The following ESYT2 variants were observed in gnomAD, a reference collection of about 807,000 sequenced individuals.
ESYT2 encodes extended synaptotagmin-2.
In ESYT2, 54 loss-of-function variants were observed where a neutral mutation model predicts 107.2. The observed-to-expected ratio is 0.50, with a 90% CI of 0.40 to 0.63. The LOEUF (loss-of-function observed/expected upper bound fraction) is 0.63, where lower values mean the gene tolerates loss of function less well. Among genes scored for constraint, ESYT2 ranks in the 30% least tolerant of loss-of-function variants. The pLI, the probability that ESYT2 is intolerant of heterozygous loss-of-function variation, is 0.00. For missense variants in ESYT2, 1,020 were observed against 1,094.5 expected, an observed-to-expected ratio of 0.93 and a Z score of 0.96; for synonymous variants, 491 against 434.1, an observed-to-expected ratio of 1.13 and a Z score of -1.63.
intron 7 of ESYT2, among the ~76,000 whole-genome samples, chr7:158,770,234 T>C (rs753049986): frequency 3.9e-5 from 6 of 152,098 alleles, no homozygotes; most frequent in Non-Finnish European, 8.8e-5. Context: ...AGGGTTGCCA[T>C]AGCTGTAATT....
intron 21 of ESYT2, among the ~76,000 whole-genome samples, chr7:158,734,898 T>G (rs138733643): frequency 6.6e-6 from 1 of 152,368 alleles, no homozygotes; most frequent in Non-Finnish European, 1.5e-5. Context: ...GACTCTCCCT[T>G]TTCTGAAGGC....
rs541844735 is a variant in ESYT2, at chr7:158,776,407, C to G, written c.748-3011G>C. Among the ~76,000 whole-genome samples the G allele has an allele frequency of 7.4e-4, 112 of 152,344 alleles. 1 individual carries two copies. In the South Asian group the frequency reaches 7.9e-3, roughly 11 times the overall value. ...AGGATGTTTAATATACACTGAAAAT[C>G]TGTTGTTTAGTGGAGCCACCTTTAT... is the stretch of plus-strand genomic sequence containing the variant. On this transcript the variant is annotated intron_variant, in intron 6 of 22. Transcript: ENST00000275418.
chr7:158,797,477 C>A (rs1297590174), intron 3 of ESYT2, among the ~76,000 whole-genome samples: 2 of 151,616 alleles, frequency 1.3e-5, no homozygotes, highest in African/African-American at 4.9e-5. Flanking sequence ...GAGGCTGAGG[C>A]AGGAAGATCA....
chr7:158,780,727 G>A (rs1368888446), intron 6 of ESYT2, among the ~76,000 whole-genome samples: 2 of 152,224 alleles, frequency 1.3e-5, no homozygotes, highest in African/African-American at 4.8e-5. Context: ...GGCAGGAGCA[G>A]GAATTGCGGA....
chr7:158,773,865 T>A (rs910314588), intron 6 of ESYT2, among the ~76,000 whole-genome samples: 8 of 152,224 alleles, frequency 5.3e-5, no homozygotes, highest in Non-Finnish European at 1.0e-4. Flanking sequence ...CCAACCAAAG[T>A]GTATGAAAAT....
chr7:158,826,894 G>A (rs1440266358), intron 1 of ESYT2, among the ~76,000 whole-genome samples: 1 of 151,860 alleles, frequency 6.6e-6, no homozygotes, highest in African/African-American at 2.4e-5. Context: ...GCCGGGCGCG[G>A]TGGCTCACGC....
intron 6 of ESYT2, among the ~76,000 whole-genome samples, chr7:158,781,017 C>T (rs556589463): frequency 1.3e-5 from 2 of 151,954 alleles, no homozygotes; most frequent in South Asian, 2.1e-4. Flanking sequence ...TGAGAATGAG[C>T]GTGAGAAAGA....
chr7:158,742,750 G>A (rs1303963735), intron 17 of ESYT2, among the ~76,000 whole-genome samples: 1 of 152,186 alleles, frequency 6.6e-6, no homozygotes, highest in Non-Finnish European at 1.5e-5. Context: ...CTGGTTTTAG[G>A]AAATAACGCT....
rs377160540 is a variant in ESYT2, at chr7:158,761,559, A to G, written c.1185-15T>C. On this transcript the variant is annotated splice_polypyrimidine_tract_variant and intron_variant, in intron 10 of 22. Coordinates refer to ENST00000275418, the MANE Select transcript of ESYT2 (RefSeq NM_001367773.1). ...CAATCATAAGACTATAAAAATAACA[A>G]TACGACAACTTTAGAACATAGAAAC... is the stretch of plus-strand genomic sequence containing the variant. 8 of 1,609,850 alleles carry G rather than the reference A, an allele frequency of 5.0e-6. No individual in the cohort carries two copies. Among genetic ancestry groups the G allele is most frequent in the Non-Finnish European group, 6.8e-6 (8 of 1,176,648 alleles).
chr7:158,739,793 C>CA (rs1414444384), intron 18 of ESYT2, among the ~76,000 whole-genome samples: 3 of 128,850 alleles, frequency 2.3e-5, no homozygotes, highest in Non-Finnish European at 4.6e-5. Context: ...GTTATTTATA[C>CA]CCCCCCCTTC....
intron 1 of ESYT2, among the ~76,000 whole-genome samples, chr7:158,814,344 TATGA>T (rs1840089031): frequency 3.7e-4 from 1 of 2,726 alleles, no homozygotes; most frequent in South Asian, 7.9e-3. Context: ...TATATATATA[TATGA>T]AATAATATAC....
chr7:158,805,088 C>T (rs1021479509), intron 1 of ESYT2, among the ~76,000 whole-genome samples: 4 of 152,198 alleles, frequency 2.6e-5, no homozygotes, highest in African/African-American at 7.2e-5. Flanking sequence ...TGTTAGCTCT[C>T]CACATCAGTG....
At chr7:158,774,761 T>G (rs7805340) in intron 6 of ESYT2, among the ~76,000 whole-genome samples, 2,873 of 152,304 alleles carry the variant, frequency 0.019, 87 homozygotes, top group African/African-American at 0.066. Flanking sequence ...ATCAAAGATA[T>G]AGCACAGAAT....
intron 6 of ESYT2, among the ~76,000 whole-genome samples, chr7:158,780,129 G>C (rs1838721073): frequency 6.6e-6 from 1 of 152,172 alleles, no homozygotes; most frequent in Non-Finnish European, 1.5e-5. Flanking sequence ...GTCAATACTA[G>C]AAGCATCCCT....
At chr7:158,751,165 G>T (rs1003303978) in intron 14 of ESYT2, among the ~76,000 whole-genome samples, 13 of 152,172 alleles carry the variant, frequency 8.5e-5, no homozygotes, top group Non-Finnish European at 1.9e-4. Context: ...GTTGGCAGTA[G>T]TGAGAGTTGT....
rs59394560 is a variant in ESYT2 at position 158,798,418 on chromosome 7, G to A, written c.373-342C>T. 1.7e-3 allele frequency among the ~76,000 whole-genome samples: 253 copies of A among 151,914 alleles called. 1 individual carries two copies. Among genetic ancestry groups the A allele is most frequent in the African/African-American group, 5.5e-3 (227 of 41,440 alleles). On this transcript the variant is annotated intron_variant, in intron 2 of 22. Transcript: ENST00000275418. ...ATCCCAGCATTTGGGAGGCTGAAGCGGGTGGATCATCTGAGGTCGGGAGTT... is the reference window on the plus strand; with the variant it reads ...ATCCCAGCATTTGGGAGGCTGAAGCAGGTGGATCATCTGAGGTCGGGAGTT...
At chr7:158,805,500 T>C (rs954081300) in intron 1 of ESYT2, among the ~76,000 whole-genome samples, 1 of 152,204 alleles carries the variant, frequency 6.6e-6, no homozygotes, top group Admixed American at 6.5e-5. Flanking sequence ...TAAAAGGAAA[T>C]TGCAGAAGAT....
intron 21 of ESYT2, 93 bp downstream of exon 21, chr7:158,735,410 C>T (rs2129471099): frequency 9.7e-7 from 1 of 1,029,966 alleles, no homozygotes; most frequent in Non-Finnish European, 1.5e-6. Context: ...TCGCCCCTTC[C>T]ACTTACACAG....
chr7:158,770,519 A>AT (rs201686577), intron 7 of ESYT2, among the ~76,000 whole-genome samples: 270 of 147,346 alleles, frequency 1.8e-3, no homozygotes, highest in Non-Finnish European at 2.9e-3. Context: ...ATATATATAT[A>AT]TATTTTTTTT....
Sources: gnomAD v4.1 joint callset for allele counts (sites outside exome capture counted in the v4.1 genomes callset) on GRCh38, gnomAD v4.1.1 for gene constraint, MANE v1.5 for transcripts, NCBI Gene and HGNC (gene_info 2026-07-23, HGNC 2026-07-21) for gene names.